GABRA4: variants seen among roughly 807,000 people sequenced by gnomAD.
The protein encoded by GABRA4 is gamma-aminobutyric acid type A receptor subunit alpha4, also known as gamma-aminobutyric acid receptor subunit alpha-4.
A neutral mutation model predicts 49.7 loss-of-function variants in GABRA4; 12 were observed. The ratio of observed to expected loss-of-function variants is 0.24; its 90% CI spans 0.15 to 0.39. The LOEUF (loss-of-function observed/expected upper bound fraction) is 0.39, where lower values mean the gene tolerates loss of function less well. GABRA4 is among the 10% of genes least tolerant of loss of function. GABRA4 has a pLI of 1.00. For synonymous variants in GABRA4, 288 were observed against 240.2 expected (o/e 1.20, Z -1.84); for missense variants, 506 against 686.0 (o/e 0.74, Z 2.93).
At chr4:46,981,512 TA>T (rs1464012775) in intron 2 of GABRA4, among the ~76,000 whole-genome samples, 2 of 152,064 alleles carry the variant, frequency 1.3e-5, no homozygotes, top group African/African-American at 2.4e-5. Flanking sequence ...AGTAAGATCC[TA>T]AAAAACATTT....
At chr4:46,983,537 C>A (rs1475120613) in intron 2 of GABRA4, among the ~76,000 whole-genome samples, 1 of 152,090 alleles carries the variant, frequency 6.6e-6, no homozygotes, top group African/African-American at 2.4e-5. Flanking sequence ...CTTTCCACAG[C>A]AGTTAAACTA....
chr4:46,947,306 G>A (rs1293821285), intron 8 of GABRA4, among the ~76,000 whole-genome samples: 1 of 151,886 alleles, frequency 6.6e-6, no homozygotes, highest in Admixed American at 6.6e-5. Context: ...CACACACGCC[G>A]TCTGTGGAAG....
At chr4:46,954,157 T>C (rs1722263783) in intron 8 of GABRA4, among the ~76,000 whole-genome samples, 1 of 151,848 alleles carries the variant, frequency 6.6e-6, no homozygotes, top group Admixed American at 6.6e-5. Context: ...GCTGTAGAGG[T>C]GAGTATAAAA....
intron 8 of GABRA4, among the ~76,000 whole-genome samples, chr4:46,949,341 A>G (rs556012799): frequency 1.3e-5 from 2 of 152,270 alleles, no homozygotes; most frequent in South Asian, 4.1e-4. Context: ...TAAATTAAAT[A>G]CTTTAGCAAA....
At chr4:46,985,779 T>C (rs1291349919) in intron 2 of GABRA4, among the ~76,000 whole-genome samples, 1 of 152,004 alleles carries the variant, frequency 6.6e-6, no homozygotes, top group Non-Finnish European at 1.5e-5. Context: ...CAGTATATTG[T>C]ATATCTTTTT....
intron 7 of GABRA4, among the ~76,000 whole-genome samples, chr4:46,970,730 G>T (rs1234427573): frequency 2.0e-5 from 3 of 151,460 alleles, no homozygotes; most frequent in Non-Finnish European, 4.4e-5. Context: ...ATTTTAAGCT[G>T]CCAGTGCATT....
chr4:46,983,360 T>C (rs1297114844), intron 2 of GABRA4, among the ~76,000 whole-genome samples: 2 of 152,086 alleles, frequency 1.3e-5, no homozygotes, highest in Non-Finnish European at 2.9e-5. Flanking sequence ...ACTGCTTGGG[T>C]CTTTCTATCT....
intron 2 of GABRA4, 84 bp downstream of exon 2, chr4:46,992,743 CT>C: frequency 1.0e-6 from 1 of 970,754 alleles, no homozygotes; most frequent in Non-Finnish European, 1.7e-6. Flanking sequence ...TGAGGCATAC[CT>C]AATGATATTC....
chr4:46,923,752 C>G lies in GABRA4; in HGVS notation c.*4473G>C, dbSNP rs1721115704. On this transcript the variant is annotated 3_prime_UTR_variant, in exon 9 of 9. Coordinates refer to ENST00000264318, the MANE Select transcript of GABRA4 (RefSeq NM_000809.4). The stretch of plus-strand genomic sequence containing the variant: ...GGATGTTAGTTTTCATCGTATTATT[C>G]TTCAAGATTTTTAATAAATTGCCAC... 6.6e-6 allele frequency: 1 copy of G among 152,060 alleles called. No homozygotes were observed. Among genetic ancestry groups the G allele is most frequent in the Non-Finnish European group, 1.5e-5 (1 of 67,998 alleles). The allele number at this position is 152,060 out of a possible 1,614,324, so 9.4% of individuals were successfully genotyped here.
chr4:46,977,529 C>T lies in GABRA4; in HGVS notation c.375G>A (p.Thr125=), dbSNP rs80176186. ...EILRLNNMMV[T]KVWTPDTFFR... ...AGAAAGTATCAGGGGTCCACACTTT[C>T]GTTACCATCATATTGTTCAATCTCA... is the stretch of plus-strand genomic sequence containing the variant. Residue 125 remains threonine, a synonymous_variant, in exon 4 of 9, where the codon ACG becomes ACA. Transcript: ENST00000264318. The T allele has an allele frequency of 8.4e-5, 136 of 1,612,552 alleles. No individual in the cohort carries two copies. The Admixed American group carries it at 1.3e-3, about 15-fold the overall frequency.
chr4:46,950,153 T>G (rs1722120072), intron 8 of GABRA4, among the ~76,000 whole-genome samples: 1 of 152,108 alleles, frequency 6.6e-6, no homozygotes. Flanking sequence ...GATGGTGAGC[T>G]AAGCACAAGA....
Position 46,928,745 on chromosome 4 carries a change from G to T in GABRA4, c.1145C>A (p.Ala382Asp). 2.5e-6 allele frequency: 4 copies of T among 1,606,468 alleles called. No homozygotes were observed. Among genetic ancestry groups the T allele is most frequent in the Non-Finnish European group, 2.6e-6 (3 of 1,174,644 alleles). Residue 382 changes from alanine to aspartate, a missense_variant, in exon 9 of 9, where the codon GCC becomes GAC. Around this residue, in one of 5 missense-constraint regions of GABRA4, gnomAD observed 243 missense variants for 210.8 expected, o/e 1.15. Coordinates refer to ENST00000264318, the MANE Select transcript of GABRA4 (RefSeq NM_000809.4). ...TGTTCTTTTTCTCATGTTCAAATTG[G>T]CATTTGTATTCTGAAAAGGTATATG... is the stretch of plus-strand genomic sequence containing the variant. Reference protein sequence around the residue: ...HPEAPLQNTNANLNMRKRTNA... With the variant: ...HPEAPLQNTNDNLNMRKRTNA...
chr4:46,956,257 T>C (rs1290692958), intron 8 of GABRA4, among the ~76,000 whole-genome samples: 2 of 152,104 alleles, frequency 1.3e-5, no homozygotes, highest in Non-Finnish European at 2.9e-5. Context: ...CACACCTAAA[T>C]GTCAGATGAA....
chr4:46,959,475 T>G (rs946307139), intron 8 of GABRA4, among the ~76,000 whole-genome samples: 4 of 151,898 alleles, frequency 2.6e-5, no homozygotes, highest in African/African-American at 4.8e-5. Context: ...AAATTTGATC[T>G]TCTTGACCTT....
chr4:46,969,087 G>A (rs918511530), intron 7 of GABRA4, among the ~76,000 whole-genome samples: 1 of 151,486 alleles, frequency 6.6e-6, no homozygotes, highest in Non-Finnish European at 1.5e-5. Context: ...TAACACATGA[G>A]GAAGCTGGCA....
In GABRA4 at chr4:46,966,137, T is replaced by G. The variant is rs189064603; in HGVS notation, c.875-908A>C. Among the ~76,000 whole-genome samples the G allele has an allele frequency of 1.7e-3, 255 of 151,862 alleles. 1 individual carries two copies. The highest frequency in any genetic ancestry group is 5.7e-3 in the African/African-American group (236 of 41,486). Reference sequence around the variant, plus strand: ...TTAAGAATGTTAATATTTGAACTCTTGTCTATTTCTGCATCTATATATGTC... The same window carrying G: ...TTAAGAATGTTAATATTTGAACTCTGGTCTATTTCTGCATCTATATATGTC... On this transcript the variant is annotated intron_variant, in intron 7 of 8. Transcript: ENST00000264318.
chr4:46,960,916 C>A (rs1722550064), intron 8 of GABRA4, among the ~76,000 whole-genome samples: 1 of 151,558 alleles, frequency 6.6e-6, no homozygotes. Context: ...TAAATAAATT[C>A]AAGACTCAAG....
rs902713277 is a variant in GABRA4, at chr4:46,922,909, T to C, written c.*5316A>G. 3.3e-5 allele frequency: 5 copies of C among 152,252 alleles called. No individual in the cohort carries two copies. The highest frequency in any genetic ancestry group is 1.9e-4 in the East Asian group (1 of 5,166). The allele number at this position is 152,252 out of a possible 1,614,324, so 9.4% of individuals were successfully genotyped here. A position where few individuals can be genotyped will look rare whatever the true frequency, so the allele number is the denominator to read the frequency against. On this transcript the variant is annotated 3_prime_UTR_variant, in exon 9 of 9. Transcript: ENST00000264318. ...GTACTTATCCATGACCTGTTAGGAA[T>C]TGGGCAGCACAACAGGAGGTGAGTG...
chr4:46,939,803 C>CCTTT (rs1721730732), intron 8 of GABRA4, among the ~76,000 whole-genome samples: 1 of 151,874 alleles, frequency 6.6e-6, no homozygotes, highest in African/African-American at 2.4e-5. Context: ...ATTAGAAAAT[C>CCTTT]CTTTCTTCCC....
Sources: allele counts gnomAD v4.1 joint callset (sites outside exome capture counted in the v4.1 genomes callset), GRCh38; gene constraint gnomAD v4.1.1; regional missense constraint gnomAD v4.1.1; transcripts MANE v1.5; gene names NCBI Gene and HGNC (gene_info 2026-07-23, HGNC 2026-07-21).